The following ZMAT4 variants were observed in gnomAD, a reference collection of about 807,000 sequenced individuals.
ZMAT4 encodes the protein zinc finger matrin-type 4, also known as zinc finger matrin-type protein 4.
ZMAT4 carries 17 observed loss-of-function variants against 28.7 expected under a neutral mutation model. The observed-to-expected ratio is 0.59, with a 90% CI of 0.41 to 0.89. The LOEUF (loss-of-function observed/expected upper bound fraction) is 0.89. ZMAT4 is among the 40% of genes least tolerant of loss of function. The pLI, the probability that ZMAT4 is intolerant of heterozygous loss-of-function variation, is 0.00. For synonymous variants in ZMAT4, 117 were observed against 109.2 expected (o/e 1.07, Z -0.44); for missense variants, 240 against 283.8 (o/e 0.85, Z 1.11).
At chr8:40,863,494 C>T (rs1043728625) in intron 1 of ZMAT4, among the ~76,000 whole-genome samples, 1 of 152,036 alleles carries the variant, frequency 6.6e-6, no homozygotes, top group Non-Finnish European at 1.5e-5. Flanking sequence ...AACGGTGGTG[C>T]CTTTCACTGG....
At chr8:40,890,546 C>A (rs1201394559) in intron 1 of ZMAT4, among the ~76,000 whole-genome samples, 1 of 152,166 alleles carries the variant, frequency 6.6e-6, no homozygotes, top group Non-Finnish European at 1.5e-5. Context: ...ACCTGGACAG[C>A]AGCAAATTAC....
At chr8:40,777,746 T>C (rs1051587114) in intron 2 of ZMAT4, among the ~76,000 whole-genome samples, 8 of 152,274 alleles carry the variant, frequency 5.3e-5, no homozygotes, top group African/African-American at 1.9e-4. Flanking sequence ...CCCACCCTTA[T>C]GTGAATGACA....
At chr8:40,647,124 C>T (rs558778613) in intron 5 of ZMAT4, among the ~76,000 whole-genome samples, 3 of 152,158 alleles carry the variant, frequency 2.0e-5, no homozygotes, top group Non-Finnish European at 4.4e-5. Context: ...GCGTGAGCGA[C>T]GCAGAAGACG....
chr8:40,608,556 T>C lies in ZMAT4; in HGVS notation c.578-27295A>G, dbSNP rs539835257. 3.3e-5 allele frequency among the ~76,000 whole-genome samples: 5 copies of C among 152,106 alleles called. No homozygotes were observed. In the South Asian group the frequency reaches 1.0e-3, roughly 32 times the overall value. ...TTTCATGCCTCCCCACCTGCCACGG[T>C]TTTTGTGCTGGTATCTTTGCTCCAT... On this transcript the variant is annotated intron_variant, in intron 5 of 6. Transcript: ENST00000297737.
intron 3 of ZMAT4, among the ~76,000 whole-genome samples, chr8:40,767,078 A>T (rs932143085): frequency 1.3e-5 from 2 of 152,224 alleles, no homozygotes; most frequent in African/African-American, 4.8e-5. Flanking sequence ...CCTGGCTGAA[A>T]TAAGCCCTTT....
At chr8:40,757,041 A>G (rs1056028234) in intron 3 of ZMAT4, among the ~76,000 whole-genome samples, 2 of 152,132 alleles carry the variant, frequency 1.3e-5, no homozygotes, top group African/African-American at 4.8e-5. Flanking sequence ...GCAGCACTTC[A>G]GTGTTGCGTT....
chr8:40,569,169 C>T (rs1804015825), intron 6 of ZMAT4, among the ~76,000 whole-genome samples: 1 of 152,174 alleles, frequency 6.6e-6, no homozygotes, highest in South Asian at 2.1e-4. Context: ...AGCTCTTATC[C>T]TCCACCCCAA....
chr8:40,637,968 A>G (rs1158374379), intron 5 of ZMAT4, among the ~76,000 whole-genome samples: 2 of 152,246 alleles, frequency 1.3e-5, no homozygotes, highest in African/African-American at 4.8e-5. Context: ...AGGGAGACAA[A>G]TGCCACATGA....
intron 1 of ZMAT4, among the ~76,000 whole-genome samples, chr8:40,872,102 C>A (rs1359040288): frequency 6.6e-6 from 1 of 152,144 alleles, no homozygotes. Context: ...GTGGGGAGCA[C>A]CTTCCAGGAC....
At chr8:40,780,408 A>G (rs1213646786) in intron 2 of ZMAT4, among the ~76,000 whole-genome samples, 1 of 152,194 alleles carries the variant, frequency 6.6e-6, no homozygotes, top group African/African-American at 2.4e-5. Flanking sequence ...AAGTCGAACA[A>G]TTGTTAAGTT....
intron 3 of ZMAT4, among the ~76,000 whole-genome samples, chr8:40,749,053 T>C (rs1812355353): frequency 6.6e-6 from 1 of 152,194 alleles, no homozygotes; most frequent in South Asian, 2.1e-4. Context: ...CACTGTCTCT[T>C]GTCTGCCACC....
intron 5 of ZMAT4, among the ~76,000 whole-genome samples, chr8:40,666,011 TA>T (rs1358725764): frequency 2.0e-5 from 3 of 152,190 alleles, no homozygotes; most frequent in Non-Finnish European, 4.4e-5. Context: ...TCTGCAACAA[TA>T]AAATAACTGT....
chr8:40,598,554 T>A (rs538748529), intron 5 of ZMAT4, among the ~76,000 whole-genome samples: 1 of 152,204 alleles, frequency 6.6e-6, no homozygotes, highest in South Asian at 2.1e-4. Flanking sequence ...ATTCTTTTTA[T>A]ATAGCTGCAT....
intron 6 of ZMAT4, among the ~76,000 whole-genome samples, chr8:40,557,069 A>G (rs1295779134): frequency 6.6e-6 from 1 of 152,144 alleles, no homozygotes; most frequent in African/African-American, 2.4e-5. Context: ...GCTCCCATAC[A>G]TGAGTGAGAA....
intron 5 of ZMAT4, among the ~76,000 whole-genome samples, chr8:40,609,258 A>G (rs1805709067): frequency 6.6e-6 from 1 of 152,224 alleles, no homozygotes; most frequent in Non-Finnish European, 1.5e-5. Context: ...ATTACTCTAT[A>G]AAGTATGGGA....
rs748838235 is a variant in ZMAT4, at chr8:40,601,632, AAGAG to A, written c.578-20375_578-20372del. Reference sequence around the variant, plus strand: ...AAAGAAAGAAAGAAAGAAAGAAAGAAAGAGAAAGAAAGAAAGAAAGAAAGAAAGA... The same window carrying A: ...AAAGAAAGAAAGAAAGAAAGAAAGAAAAAGAAAGAAAGAAAGAAAGAAAGA... On this transcript the variant is annotated intron_variant, in intron 5 of 6. Coordinates refer to ENST00000297737, the MANE Select transcript of ZMAT4 (RefSeq NM_024645.3). Among the ~76,000 whole-genome samples the A allele has an allele frequency of 3.5e-5, 3 of 86,608 alleles. 1 individual carries two copies. Among genetic ancestry groups the A allele is most frequent in the South Asian group, 7.8e-4 (2 of 2,548 alleles). 56.8% of individuals were successfully genotyped at this position (86,608 alleles called of 152,430 possible). A position where few individuals can be genotyped will look rare whatever the true frequency, so the allele number is the denominator to read the frequency against.
rs527851535 is a variant in ZMAT4 at position 40,760,277 on chromosome 8, A to G, written c.192+7364T>C. ...GTTGGGACATTCCCCCTATTGCAAT[A>G]GACTTCCATATATGATCAGTCCTTA... On this transcript the variant is annotated intron_variant, in intron 3 of 6. Coordinates refer to ENST00000297737, the MANE Select transcript of ZMAT4 (RefSeq NM_024645.3). Among the ~76,000 whole-genome samples, 5 of 152,254 alleles carry G rather than the reference A, an allele frequency of 3.3e-5. No homozygotes were observed. In the South Asian group the frequency reaches 1.0e-3, roughly 32 times the overall value.
At chr8:40,872,908 C>T (rs1426455407) in intron 1 of ZMAT4, among the ~76,000 whole-genome samples, 1 of 152,100 alleles carries the variant, frequency 6.6e-6, no homozygotes, top group African/African-American at 2.4e-5. Flanking sequence ...AAAACACAGA[C>T]CACTAGAGCC....
intron 4 of ZMAT4, among the ~76,000 whole-genome samples, chr8:40,681,135 T>A (rs1456817034): frequency 6.6e-6 from 1 of 152,154 alleles, no homozygotes; most frequent in Non-Finnish European, 1.5e-5. Flanking sequence ...CCTTGATTAA[T>A]AAGCAGCAGA....
Sources: gnomAD v4.1 joint callset for allele counts (sites outside exome capture counted in the v4.1 genomes callset) on GRCh38, gnomAD v4.1.1 for gene constraint, MANE v1.5 for transcripts, NCBI Gene and HGNC (gene_info 2026-07-23, HGNC 2026-07-21) for gene names.